USP6: variants seen among roughly 807,000 people sequenced by gnomAD.
USP6 encodes the protein ubiquitin carboxyl-terminal hydrolase 6.
In USP6, 128 loss-of-function variants were observed where a neutral mutation model predicts 175.7. The ratio of observed to expected loss-of-function variants is 0.73; its 90% confidence interval spans 0.63 to 0.84. USP6 has a LOEUF of 0.84. USP6 is among the 40% of genes least tolerant of loss of function. The pLI is 0.00. For synonymous variants in USP6, 562 were observed against 630.6 expected, an observed-to-expected ratio of 0.89 and a Z score of 1.63; for missense variants, 1,498 against 1,760.3, an observed-to-expected ratio of 0.85 and a Z score of 2.67.
intron 4 of USP6, among the ~76,000 whole-genome samples, chr17:5,124,342 G>C (rs926224065): frequency 1.3e-5 from 2 of 152,156 alleles, no homozygotes; most frequent in South Asian, 2.1e-4. Flanking sequence ...CCACATAATC[G>C]GGTCACTAAA....
chr17:5,167,555 G>A (rs1448219887), intron 33 of USP6, among the ~76,000 whole-genome samples: 1 of 152,062 alleles, frequency 6.6e-6, no homozygotes, highest in African/African-American at 2.4e-5. Flanking sequence ...TCTGTCATCC[G>A]GGCTGGAGTG....
At chr17:5,142,314 G>C in intron 24 of USP6, 83 bp from the exon 25 acceptor site, 1 of 1,538,916 alleles carries the variant, frequency 6.5e-7, no homozygotes, top group Non-Finnish European at 8.8e-7. Context: ...AAGATATTTT[G>C]ATGTGAGATG....
Position 5,132,320 on chromosome 17 carries a change from T to C in USP6, c.156-76T>C. ...CTGGATAGGGACAGAGCCAGTCCTT[T>C]CTGGGGGTCGGCTCCCAGGCTTGGG... On this transcript the variant is annotated intron_variant, in intron 11 of 37. Coordinates refer to ENST00000574788, the MANE Select transcript of USP6 (RefSeq NM_001304284.2). The surrounding 1 kb of genome is among the most constrained non-coding windows in gnomAD (Gnocchi z 4.7). 1 of 1,611,666 alleles carries C rather than the reference T, an allele frequency of 6.2e-7. No individual in the cohort carries two copies. Among genetic ancestry groups the C allele is most frequent in the Non-Finnish European group, 8.5e-7 (1 of 1,179,602 alleles).
intron 32 of USP6, 102 bp downstream of exon 32, chr17:5,161,716 G>A: frequency 7.5e-7 from 1 of 1,338,260 alleles, no homozygotes; most frequent in Non-Finnish European, 1.0e-6. Context: ...AGTGAATAAT[G>A]AGAAACTTAA....
In USP6 at chr17:5,144,868, G is replaced by T. The variant is rs1408649724; in HGVS notation, c.1992+5G>T. ...GACTGGGAAGTAGCTGCAGAGGTTT[G>T]TCAGTTTTGAGTTTCTAATGTAAGC... On this transcript the variant is annotated splice_donor_5th_base_variant and intron_variant, in intron 26 of 37. Coordinates refer to ENST00000574788, the MANE Select transcript of USP6 (RefSeq NM_001304284.2). 6.3e-7 allele frequency: 1 copy of T among 1,587,702 alleles called. No individual in the cohort carries two copies. The highest frequency in any genetic ancestry group is 8.6e-7 in the Non-Finnish European group (1 of 1,162,040).
intron 31 of USP6, among the ~76,000 whole-genome samples, chr17:5,157,259 T>C (rs1226721758): frequency 1.3e-5 from 2 of 151,960 alleles, no homozygotes; most frequent in East Asian, 1.9e-4. Context: ...CTAGTTTTTG[T>C]ATTTTCAGTA....
At chr17:5,165,496 G>C (rs977321458) in intron 33 of USP6, among the ~76,000 whole-genome samples, 8 of 152,070 alleles carry the variant, frequency 5.3e-5, no homozygotes, top group African/African-American at 1.7e-4. Flanking sequence ...ATGGAGGATT[G>C]CTTGAGCCCA....
intron 24 of USP6, 107 bp from the exon 25 acceptor site, chr17:5,142,290 T>C: frequency 6.5e-7 from 1 of 1,540,484 alleles, no homozygotes; most frequent in Non-Finnish European, 8.8e-7. Context: ...ATACATCTCT[T>C]GTTTCAAAAA....
intron 7 of USP6, 131 bp from the exon 8 acceptor site, chr17:5,128,821 C>A (rs1198954859): frequency 1.3e-5 from 2 of 152,688 alleles, no homozygotes; most frequent in Non-Finnish European, 2.9e-5. Flanking sequence ...CTGTGTTCTA[C>A]GGCAGTTACA....
intron 33 of USP6, among the ~76,000 whole-genome samples, chr17:5,166,173 G>T (rs550434139): frequency 2.0e-5 from 3 of 152,156 alleles, no homozygotes; most frequent in Admixed American, 1.3e-4. Context: ...GATGATGACA[G>T]TTAATATCTT....
chr17:5,117,416 T>C (rs972121509), intron 1 of USP6, among the ~76,000 whole-genome samples: 7 of 150,116 alleles, frequency 4.7e-5, no homozygotes, highest in African/African-American at 1.7e-4. Context: ...CTCAGGAGGC[T>C]GAGGCAGGAG....
rs781100528 is a variant in USP6, at chr17:5,170,752, T to C, written c.3791T>C (p.Val1264Ala). 1.9e-6 allele frequency: 3 copies of C among 1,613,906 alleles called. No homozygotes were observed. Among genetic ancestry groups the C allele is most frequent in the Admixed American group, 1.7e-5 (1 of 60,016 alleles). The change falls in exon 36 of 38, where the codon GTA becomes GCA. Residue 1264 changes from valine (V) to alanine (A), a missense_variant. By Grantham distance (64) the Val-to-Ala change is moderately conservative. This residue lies in a region of USP6 where 1,217 missense variants were observed against 1,500.8 expected (regional missense o/e 0.81). Transcript: ENST00000574788. Reference sequence around the variant, plus strand: ...CTGGTCACTCCTCAGGACCATGAGGTAGCTTTGGCCAATGGATTCCTTTAT... The same window carrying C: ...CTGGTCACTCCTCAGGACCATGAGGCAGCTTTGGCCAATGGATTCCTTTAT... ...PELVTPQDHE[V>A]ALANGFLYEH...
Position 5,171,662 on chromosome 17 carries a change from A to G in USP6, c.4030A>G (p.Asn1344Asp). Reference protein sequence around the residue: ...KNPNCKWYCYNDSSCEELHPD... With the variant: ...KNPNCKWYCYDDSSCEELHPD... ...CCCAAACTGCAAGTGGTACTGTTAT[A>G]ATGACAGCAGCTGTGAGGTAAACAT... Residue 1344 changes from asparagine to aspartate, a missense_variant, in exon 37 of 38, where the codon AAT (asparagine) becomes GAT (aspartate). Asn to Asp is a conservative substitution (Grantham distance 23). Around this residue, in one of 2 missense-constraint regions of USP6, gnomAD observed 1,217 missense variants for 1,500.8 expected, o/e 0.81. Transcript: ENST00000574788. 6.2e-7 allele frequency: 1 copy of G among 1,613,862 alleles called. No individual in the cohort carries two copies. Among genetic ancestry groups the G allele is most frequent in the Non-Finnish European group, 8.5e-7 (1 of 1,179,792 alleles).
chr17:5,160,390 C>A (rs939632185), intron 31 of USP6, among the ~76,000 whole-genome samples: 4 of 152,162 alleles, frequency 2.6e-5, no homozygotes, highest in Non-Finnish European at 4.4e-5. Flanking sequence ...CCTTCTCCCC[C>A]ACCCCCAGCT....
At chr17:5,138,344 C>G in intron 21 of USP6, 71 bp downstream of exon 21, 2 of 1,603,070 alleles carry the variant, frequency 1.2e-6, no homozygotes, top group Non-Finnish European at 1.7e-6. Flanking sequence ...GTGCCCCGGA[C>G]CAGCAACCCT....
intron 13 of USP6, 30 bp from the exon 14 acceptor site, chr17:5,133,413 C>T (rs748265002): frequency 2.5e-6 from 4 of 1,588,544 alleles, no homozygotes; most frequent in Non-Finnish European, 1.7e-6. Context: ...ACCCCATGGC[C>T]TGTGACACCA....
chr17:5,126,888 C>G (rs374357164), intron 6 of USP6: 1 of 152,344 alleles, frequency 6.6e-6, no homozygotes, highest in African/African-American at 2.4e-5. Context: ...CCTGGGTGGG[C>G]GCCCCACGCT....
chr17:5,128,657 G>C (rs2072966657), intron 7 of USP6: 3 of 152,550 alleles, frequency 2.0e-5, no homozygotes, highest in Non-Finnish European at 4.4e-5. Flanking sequence ...GCACGCATGT[G>C]CACAAACACA....
chr17:5,131,387 A>G (rs2073061565), intron 11 of USP6, among the ~76,000 whole-genome samples: 1 of 150,774 alleles, frequency 6.6e-6, no homozygotes, highest in African/African-American at 2.4e-5. Context: ...ATGCCGGGCA[A>G]GATAAGGTGG....
Sources: gnomAD v4.1 joint callset for allele counts (sites outside exome capture counted in the v4.1 genomes callset) on GRCh38, gnomAD v4.1.1 for gene constraint, gnomAD v4.1.1 regional missense constraint, Gnocchi (gnomAD v3.1) non-coding constraint, MANE v1.5 for transcripts, NCBI Gene and HGNC (gene_info 2026-07-23, HGNC 2026-07-21) for gene names.